DEPTOR: variants seen among roughly 807,000 people sequenced by gnomAD.
DEPTOR encodes the protein DEP domain-containing mTOR-interacting protein.
In DEPTOR, 41 loss-of-function variants were observed where a neutral mutation model predicts 41.6. That is an observed-to-expected ratio of 0.98 (90% CI 0.77 to 1.28). The LOEUF is 1.28. Ranked by LOEUF, DEPTOR falls within the 50% of genes most tolerant of loss-of-function variation. The pLI is 0.00. For missense variants in DEPTOR, 514 were observed against 527.9 expected (o/e 0.97, Z 0.26); for synonymous variants, 195 against 192.3 (o/e 1.01, Z -0.12).
rs76926743 is a variant in DEPTOR, at chr8:119,915,609, G to A, written c.123-12791G>A. On this transcript the variant is annotated intron_variant, in intron 1 of 8. Coordinates refer to ENST00000286234, the MANE Select transcript of DEPTOR (RefSeq NM_022783.4). ...AAGGTTTAACTCTTATCTGGGAAAA[G>A]AGGCAAGTTACCTAACTTCTGTAAG... Among the ~76,000 whole-genome samples the A allele has an allele frequency of 6.9e-3, 1,048 of 152,296 alleles. 14 individuals are homozygous for A. The highest frequency in any genetic ancestry group is 0.024 in the African/African-American group (981 of 41,570).
intron 8 of DEPTOR, among the ~76,000 whole-genome samples, chr8:120,048,753 A>G (rs1474063468): frequency 6.6e-6 from 1 of 152,078 alleles, no homozygotes; most frequent in Non-Finnish European, 1.5e-5. Flanking sequence ...GGTGTTTGCA[A>G]AGAGGTTTCA....
At chr8:119,994,390 C>T (rs1045115621) in intron 4 of DEPTOR, among the ~76,000 whole-genome samples, 2 of 152,164 alleles carry the variant, frequency 1.3e-5, no homozygotes, top group Non-Finnish European at 2.9e-5. Flanking sequence ...TGAGCCTCTA[C>T]TTATATAATT....
intron 3 of DEPTOR, among the ~76,000 whole-genome samples, chr8:119,951,863 G>A (rs763732103): frequency 6.6e-6 from 1 of 152,170 alleles, no homozygotes; most frequent in Admixed American, 6.5e-5. Flanking sequence ...TTCAAGCTGA[G>A]TGTGGTGGCT....
At chr8:120,042,675 T>C (rs1207679230) in intron 8 of DEPTOR, among the ~76,000 whole-genome samples, 1 of 151,766 alleles carries the variant, frequency 6.6e-6, no homozygotes, top group Non-Finnish European at 1.5e-5. Flanking sequence ...TGCACCACGA[T>C]GCCTGGCTAA....
chr8:119,968,334 A>AT lies in DEPTOR; in HGVS notation c.604+2934dup, dbSNP rs566335059. ...AGAGCTACCTTCTTTTATTATTATTATTTTTTTTTTGGGACAGTTACTGCT... is the reference window on the plus strand; with the variant it reads ...AGAGCTACCTTCTTTTATTATTATTATTTTTTTTTTTGGGACAGTTACTGCT... On this transcript the variant is annotated intron_variant, in intron 4 of 8. Coordinates refer to ENST00000286234, the MANE Select transcript of DEPTOR (RefSeq NM_022783.4). Among the ~76,000 whole-genome samples, 308 of 148,494 alleles carry AT rather than the reference A, an allele frequency of 2.1e-3. 1 individual carries two copies. The highest frequency in any genetic ancestry group is 5.7e-3 in the African/African-American group (227 of 40,024).
At chr8:119,937,819 C>A (rs938758900) in intron 3 of DEPTOR, among the ~76,000 whole-genome samples, 1 of 152,182 alleles carries the variant, frequency 6.6e-6, no homozygotes, top group African/African-American at 2.4e-5. Context: ...CAGTGAGGGG[C>A]AAGTGATACC....
intron 4 of DEPTOR, among the ~76,000 whole-genome samples, 166 bp from the exon 5 acceptor site, chr8:120,001,359 A>C (rs970379844): frequency 1.3e-5 from 2 of 152,030 alleles, no homozygotes; most frequent in African/African-American, 4.8e-5. Flanking sequence ...TGTCACGTGG[A>C]AAGAACTTGG....
chr8:119,990,737 A>G (rs1033584534), intron 4 of DEPTOR, among the ~76,000 whole-genome samples: 4 of 152,212 alleles, frequency 2.6e-5, no homozygotes, highest in Non-Finnish European at 4.4e-5. Flanking sequence ...ATAGGACTTT[A>G]TGTCCTACAA....
chr8:119,904,276 G>A (rs966191057), intron 1 of DEPTOR, among the ~76,000 whole-genome samples: 9 of 151,732 alleles, frequency 5.9e-5, no homozygotes, highest in African/African-American at 1.5e-4. Flanking sequence ...CTGCCACCAC[G>A]CCCAGCTGAT....
intron 3 of DEPTOR, among the ~76,000 whole-genome samples, chr8:119,933,788 T>G (rs1033741917): frequency 1.3e-5 from 2 of 152,166 alleles, no homozygotes; most frequent in African/African-American, 4.8e-5. Context: ...TGCTTGTTTG[T>G]TCTGTGTTAT....
At chr8:120,013,054 G>A (rs931268589) in intron 8 of DEPTOR, among the ~76,000 whole-genome samples, 38 of 151,256 alleles carry the variant, frequency 2.5e-4, no homozygotes, top group African/African-American at 9.0e-4. Flanking sequence ...CTACTCAAGA[G>A]ACTGAGGCAG....
At chr8:120,037,696 TC>T in intron 8 of DEPTOR, among the ~76,000 whole-genome samples, 1 of 152,284 alleles carries the variant, frequency 6.6e-6, no homozygotes, top group East Asian at 1.9e-4. Flanking sequence ...GAGAACTTCC[TC>T]CTTCTCCTCT....
intron 1 of DEPTOR, among the ~76,000 whole-genome samples, chr8:119,877,226 T>C (rs1429347288): frequency 2.0e-5 from 3 of 152,240 alleles, no homozygotes. Flanking sequence ...AATTCTACTT[T>C]GGAAAATTTT....
chr8:119,903,213 C>T (rs566737627), intron 1 of DEPTOR, among the ~76,000 whole-genome samples: 1 of 152,270 alleles, frequency 6.6e-6, no homozygotes, highest in African/African-American at 2.4e-5. Context: ...ATTCTCCTGC[C>T]TCAGCCTCCC....
chr8:119,953,682 C>T (rs1039770168), intron 3 of DEPTOR, among the ~76,000 whole-genome samples: 3 of 151,974 alleles, frequency 2.0e-5, no homozygotes, highest in Admixed American at 6.6e-5. Flanking sequence ...CAGTAAAGCC[C>T]GTCTATCTAG....
At chr8:119,986,391 G>A (rs1181778062) in intron 4 of DEPTOR, among the ~76,000 whole-genome samples, 1 of 152,170 alleles carries the variant, frequency 6.6e-6, no homozygotes, top group Non-Finnish European at 1.5e-5. Flanking sequence ...TCTTCTGAGA[G>A]ATCTGCTCTT....
At chr8:119,949,104 A>T (rs75343720) in intron 3 of DEPTOR, among the ~76,000 whole-genome samples, 6 of 152,322 alleles carry the variant, frequency 3.9e-5, no homozygotes, top group Non-Finnish European at 5.9e-5. Flanking sequence ...GTATTTTGAT[A>T]ATTTTATATC....
chr8:120,006,160 T>C (rs1016165188), intron 6 of DEPTOR, among the ~76,000 whole-genome samples: 5 of 152,182 alleles, frequency 3.3e-5, no homozygotes, highest in African/African-American at 1.2e-4. Context: ...CTAGCATATG[T>C]TGAGTACTCA....
Position 120,009,382 on chromosome 8 carries a change from G to A in DEPTOR, c.1101+249G>A, listed in dbSNP as rs114826179. ...AATTCCAGCACATTCAGAGGCCAAG[G>A]CAGACATATCACTTGAGGTCAGGAG... On this transcript the variant is annotated intron_variant, in intron 8 of 8. Coordinates refer to ENST00000286234, the MANE Select transcript of DEPTOR (RefSeq NM_022783.4). Among the ~76,000 whole-genome samples, 639 of 152,226 alleles carry A rather than the reference G, an allele frequency of 4.2e-3. 5 individuals are homozygous for A. The highest frequency in any genetic ancestry group is 0.015 in the African/African-American group (627 of 41,518).
Sources: gnomAD v4.1 joint callset for allele counts (sites outside exome capture counted in the v4.1 genomes callset) on GRCh38, gnomAD v4.1.1 for gene constraint, MANE v1.5 for transcripts, NCBI Gene and HGNC (gene_info 2026-07-23, HGNC 2026-07-21) for gene names.